Variants in ALS2 observed in about 807,000 individuals in gnomAD.
ALS2 encodes alsin Rho guanine nucleotide exchange factor ALS2.
Under a neutral mutation model 203.4 loss-of-function variants are expected in ALS2, and 117 were observed. The observed-to-expected ratio is 0.58, with a 90% CI of 0.50 to 0.67. The LOEUF (loss-of-function observed/expected upper bound fraction) is 0.67. ALS2 is among the 30% of genes least tolerant of loss of function. The pLI, the probability that ALS2 is intolerant of heterozygous loss-of-function variation, is 0.00. For missense variants in ALS2, 1,715 were observed against 1,989.4 expected (o/e 0.86, Z 2.62); for synonymous variants, 718 against 725.9 (o/e 0.99, Z 0.17).
At chr2:201,746,849 T>C (rs888512084) in intron 8 of ALS2, 101 bp from the exon 9 acceptor site, 2 of 1,363,162 alleles carry the variant, frequency 1.5e-6, no homozygotes, top group African/African-American at 2.9e-5. Context: ...ATAAGCGTGG[T>C]GCAGTCAGTC....
intron 5 of ALS2, among the ~76,000 whole-genome samples, chr2:201,756,817 G>A (rs768228966): frequency 2.6e-5 from 4 of 152,194 alleles, no homozygotes; most frequent in Admixed American, 6.5e-5. Flanking sequence ...TCAGTAAGTC[G>A]AGAGTGGAAC....
intron 7 of ALS2, 81 bp from the exon 8 acceptor site, chr2:201,749,870 C>T (rs192854096): frequency 3.9e-6 from 4 of 1,018,308 alleles, no homozygotes. Flanking sequence ...TAATAATTAA[C>T]ATATATACAC....
chr2:201,733,791 C>T (rs1283746717), intron 12 of ALS2, among the ~76,000 whole-genome samples: 1 of 152,142 alleles, frequency 6.6e-6, no homozygotes, highest in Non-Finnish European at 1.5e-5. Context: ...CAATAAATGG[C>T]AAGACTAATT....
Position 201,741,811 on chromosome 2 carries a change from C to T in ALS2, c.2214G>A (p.Val738=). The change falls in exon 11 of 34, where the codon GTG becomes GTA. Residue 738 remains valine (V), a synonymous_variant. Coordinates refer to ENST00000264276, the MANE Select transcript of ALS2 (RefSeq NM_020919.4). Reference sequence around the variant, plus strand: ...AACACAGCTTGCTGAATCGGCTAGCCACCTCCTGCAACAGCTGGACTGTAG... The same window carrying T: ...AACACAGCTTGCTGAATCGGCTAGCTACCTCCTGCAACAGCTGGACTGTAG... ...TTTTVQLLQE[V]ASRFSKLCYL... 1.2e-6 allele frequency: 2 copies of T among 1,614,084 alleles called. No homozygotes were observed. The highest frequency in any genetic ancestry group is 1.7e-6 in the Non-Finnish European group (2 of 1,180,000).
rs1305718603 is a variant in ALS2 at position 201,726,874 on chromosome 2, C to G, written c.2980-8G>C. ...AGCTCGTAGCCACTTTGTCTAGGAG[C>G]AAAAAGTAACGTCAATAAGTTTAAG... is the stretch of plus-strand genomic sequence containing the variant. On this transcript the variant is annotated splice_region_variant and splice_polypyrimidine_tract_variant and intron_variant, in intron 17 of 33. Transcript: ENST00000264276. The G allele has an allele frequency of 2.9e-5, 46 of 1,612,058 alleles. No individual in the cohort carries two copies. Among genetic ancestry groups the G allele is most frequent in the Non-Finnish European group, 3.8e-5 (45 of 1,178,792 alleles).
At chr2:201,745,843 G>A (rs1692606700) in intron 9 of ALS2, among the ~76,000 whole-genome samples, 1 of 152,140 alleles carries the variant, frequency 6.6e-6, no homozygotes, top group African/African-American at 2.4e-5. Context: ...CAGCTACCTG[G>A]GAGACTGAGG....
At chr2:201,729,879 CAAAAAAAAAAA>C (rs35065446) in intron 13 of ALS2, among the ~76,000 whole-genome samples, 2 of 75,218 alleles carry the variant, frequency 2.7e-5, no homozygotes, top group Admixed American at 3.8e-4. Context: ...GACTCCGTCT[CAAAAAAAAAAA>C]AAAAAAAAAA....
Position 201,724,317 on chromosome 2 carries a change from C to T in ALS2, c.3490G>A (p.Gly1164Ser). ...TACCTAGTGATATCATCAAAGACAC[C>T]ATATCCTGCTTTCTTATCCATTACC... ...QWVMDKKAGY[G>S]VFDDITRGEK... The change falls in exon 21 of 34, where the codon GGT (glycine) becomes AGT (serine). Residue 1164 changes from glycine to serine, a missense_variant. This residue lies in a region of ALS2 where 1,227 missense variants were observed against 1,413.5 expected (regional missense o/e 0.87). Coordinates refer to ENST00000264276, the MANE Select transcript of ALS2 (RefSeq NM_020919.4). 2 of 1,613,866 alleles carry T rather than the reference C, an allele frequency of 1.2e-6. No homozygotes were observed. The highest frequency in any genetic ancestry group is 1.3e-5 in the African/African-American group (1 of 74,996).
intron 8 of ALS2, among the ~76,000 whole-genome samples, chr2:201,747,426 G>A (rs1442585845): frequency 4.0e-5 from 6 of 151,312 alleles, no homozygotes; most frequent in Non-Finnish European, 5.9e-5. Flanking sequence ...GCTACTGGGG[G>A]AAGGGGAATG....
At chr2:201,708,520 A>G (rs1689860668) in intron 27 of ALS2, among the ~76,000 whole-genome samples, 1 of 152,138 alleles carries the variant, frequency 6.6e-6, no homozygotes, top group South Asian at 2.1e-4. Context: ...ACTGTATCCT[A>G]TCAGTAAGTT....
intron 23 of ALS2, among the ~76,000 whole-genome samples, chr2:201,719,725 T>C (rs563809889): frequency 6.6e-6 from 1 of 152,386 alleles, no homozygotes; most frequent in Non-Finnish European, 1.5e-5. Flanking sequence ...GCTGTAGCCT[T>C]GATCTTCGAC....
chr2:201,728,478 C>T (rs1290338934), intron 15 of ALS2, 34 bp downstream of exon 15: 4 of 1,613,296 alleles, frequency 2.5e-6, no homozygotes, highest in Non-Finnish European at 3.4e-6. Flanking sequence ...GTCCACCTTT[C>T]AGGAATTCTT....
At chr2:201,759,014 C>T (rs921177801) in intron 4 of ALS2, among the ~76,000 whole-genome samples, 2 of 152,096 alleles carry the variant, frequency 1.3e-5, no homozygotes, top group African/African-American at 4.8e-5. Context: ...ACAGCTCCCA[C>T]GATAGCTTGT....
chr2:201,773,879 C>T (rs1057495464), intron 1 of ALS2, among the ~76,000 whole-genome samples: 3 of 152,066 alleles, frequency 2.0e-5, no homozygotes, highest in East Asian at 1.9e-4. Context: ...TCAGGGAGGA[C>T]GTCAATTAGG....
chr2:201,737,921 CAAA>C (rs113250557), intron 12 of ALS2, among the ~76,000 whole-genome samples: 1 of 132,658 alleles, frequency 7.5e-6, no homozygotes. Context: ...GACCCCGTCT[CAAA>C]AAAAAAAAAG....
chr2:201,777,746 T>C (rs1694721856), intron 1 of ALS2, among the ~76,000 whole-genome samples: 1 of 152,196 alleles, frequency 6.6e-6, no homozygotes, highest in Non-Finnish European at 1.5e-5. Context: ...TATACACATA[T>C]CAATAAATAA....
chr2:201,723,404 A>T lies in ALS2; in HGVS notation c.3550T>A (p.Cys1184Ser). The change falls in exon 22 of 34, where the codon TGT (cysteine) becomes AGT (serine). Residue 1184 changes from cysteine to serine, a missense_variant. Cys to Ser is a moderately radical substitution (Grantham distance 112). This residue lies in a region of ALS2 where 1,227 missense variants were observed against 1,413.5 expected (regional missense o/e 0.87). Coordinates refer to ENST00000264276, the MANE Select transcript of ALS2 (RefSeq NM_020919.4). ...KYMGMWQDDV[C>S]QGNGVVVTQF... ...GTAACCACCACACCATTCCCTTGAC[A>T]CACATCATCTTGCCACATTCCCATA... The T allele has an allele frequency of 6.2e-7, 1 of 1,614,172 alleles. No homozygotes were observed. The highest frequency in any genetic ancestry group is 8.5e-7 in the Non-Finnish European group (1 of 1,180,014).
At chr2:201,738,977 A>G (rs1692065587) in intron 11 of ALS2, among the ~76,000 whole-genome samples, 1 of 151,992 alleles carries the variant, frequency 6.6e-6, no homozygotes, top group African/African-American at 2.4e-5. Flanking sequence ...ATTGGCTCAC[A>G]CCTGTAATCC....
chr2:201,750,491 A>G (rs1022082350), intron 7 of ALS2, among the ~76,000 whole-genome samples: 1 of 152,154 alleles, frequency 6.6e-6, no homozygotes, highest in Non-Finnish European at 1.5e-5. Context: ...ATGATTTCCT[A>G]CTCTGTAGAT....
Sources: allele counts gnomAD v4.1 joint callset (sites outside exome capture counted in the v4.1 genomes callset), GRCh38; gene constraint gnomAD v4.1.1; regional missense constraint gnomAD v4.1.1; transcripts MANE v1.5; gene names NCBI Gene and HGNC (gene_info 2026-07-23, HGNC 2026-07-21).